The following SMARCA5 variants were observed in gnomAD, a reference collection of about 807,000 sequenced individuals.
SMARCA5 encodes SWI/SNF-related matrix-associated actin-dependent regulator of chromatin subfamily A member 5.
In SMARCA5, 18 loss-of-function variants were observed where a neutral mutation model predicts 140.4. The observed-to-expected ratio is 0.13, with a 90% confidence interval of 0.09 to 0.19. SMARCA5 has a LOEUF of 0.19. Among genes scored for constraint, SMARCA5 ranks in the 10% least tolerant of loss-of-function variants. The probability of loss-of-function intolerance (pLI) is 1.00; values close to 1 mark genes in which losing one functional copy is unlikely to be tolerated. For missense variants in SMARCA5, 606 were observed against 1,276.8 expected (o/e 0.47, Z 8.01); for synonymous variants, 449 against 419.6 (o/e 1.07, Z -0.86).
rs1317653396 is a variant in SMARCA5 at position 143,547,941 on chromosome 4, A to G, written c.2786A>G (p.Lys929Arg). The G allele has an allele frequency of 3.8e-6, 6 of 1,598,008 alleles. No individual in the cohort carries two copies. The highest frequency in any genetic ancestry group is 2.2e-5 in the East Asian group (1 of 44,780). Reference sequence around the variant, plus strand: ...TGACTTTCATAGATTGGACGGTACAAAGCACCTTTTCATCAGCTGAGAATA... The same window carrying G: ...TGACTTTCATAGATTGGACGGTACAGAGCACCTTTTCATCAGCTGAGAATA... ...KALDTKIGRYKAPFHQLRISY... is the reference protein window; with the variant it reads ...KALDTKIGRYRAPFHQLRISY... Residue 929 changes from lysine (K) to arginine (R), a missense_variant, in exon 22 of 24, where the codon AAA becomes AGA. By Grantham distance (26) the Lys-to-Arg change is conservative (BLOSUM62 2). Coordinates refer to ENST00000283131, the MANE Select transcript of SMARCA5 (RefSeq NM_003601.4).
In SMARCA5 at chr4:143,546,053, G is replaced by A; in HGVS notation, c.2520+6G>A. The A allele has an allele frequency of 6.3e-7, 1 of 1,585,380 alleles. No individual in the cohort carries two copies. Among genetic ancestry groups the A allele is most frequent in the South Asian group, 1.2e-5 (1 of 86,360 alleles). On this transcript the variant is annotated splice_donor_region_variant and intron_variant, in intron 19 of 23. Transcript: ENST00000283131. ...AAGAGAAGCTTCTAACACAGGTATA[G>A]CCTTTAATCAGTACAAACTTTAGTA...
At chr4:143,543,145 TTAA>T (rs564110550) in intron 14 of SMARCA5, among the ~76,000 whole-genome samples, 55 of 152,336 alleles carry the variant, frequency 3.6e-4, no homozygotes, top group African/African-American at 1.3e-3. Context: ...GGAGTATTAG[TTAA>T]TAACACCTTT....
At chr4:143,547,700 T>G (rs1443932966) in intron 21 of SMARCA5, among the ~76,000 whole-genome samples, 197 bp downstream of exon 21, 1 of 152,076 alleles carries the variant, frequency 6.6e-6, no homozygotes, top group Admixed American at 6.6e-5. Context: ...ACACTAAGAT[T>G]AGCTTTTTAC....
In SMARCA5 at chr4:143,530,193, A is replaced by G. The variant is rs185617301; in HGVS notation, c.1090-265A>G. Reference sequence around the variant, plus strand: ...ACAAGAATATTAATTTTCTAATCCTATAGAACTTGCTCTCCAACTTTTTAC... The same window carrying G: ...ACAAGAATATTAATTTTCTAATCCTGTAGAACTTGCTCTCCAACTTTTTAC... On this transcript the variant is annotated intron_variant, in intron 8 of 23. Coordinates refer to ENST00000283131, the MANE Select transcript of SMARCA5 (RefSeq NM_003601.4). 4.6e-3 allele frequency among the ~76,000 whole-genome samples: 699 copies of G among 152,306 alleles called. 9 individuals are homozygous for G. Among genetic ancestry groups the G allele is most frequent in the African/African-American group, 0.016 (662 of 41,576 alleles).
chr4:143,514,845 T>G (rs996789856), intron 1 of SMARCA5, among the ~76,000 whole-genome samples: 17 of 151,024 alleles, frequency 1.1e-4, no homozygotes, highest in African/African-American at 3.9e-4. Flanking sequence ...TCCGGCACTT[T>G]TCTCTTTTTG....
At chr4:143,525,365 T>G (rs1737047723) in intron 4 of SMARCA5, 86 bp from the exon 5 acceptor site, 1 of 813,474 alleles carries the variant, frequency 1.2e-6, no homozygotes, top group Admixed American at 1.9e-5. Flanking sequence ...GAAAATAAAG[T>G]CAGTAGATAT....
chr4:143,549,167 A>G (rs1737590089), intron 22 of SMARCA5, among the ~76,000 whole-genome samples: 1 of 152,004 alleles, frequency 6.6e-6, no homozygotes, highest in Non-Finnish European at 1.5e-5. Flanking sequence ...GTAATTTAAA[A>G]CTGTGTTACT....
In SMARCA5 at chr4:143,526,440, A is replaced by G; in HGVS notation, c.781A>G (p.Ile261Val). 6.2e-7 allele frequency: 1 copy of G among 1,607,168 alleles called. No homozygotes were observed. The highest frequency in any genetic ancestry group is 8.5e-7 in the Non-Finnish European group (1 of 1,176,886). Residue 261 changes from isoleucine (I) to valine (V), a missense_variant, in exon 6 of 24, where the codon ATA (isoleucine) becomes GTA (valine). Around this residue, in one of 10 missense-constraint regions of SMARCA5, gnomAD observed 110 missense variants for 287.7 expected, o/e 0.38. Coordinates refer to ENST00000283131, the MANE Select transcript of SMARCA5 (RefSeq NM_003601.4). ...WVPTLRSVCL[I>V]GDKEQRAAFV... ...ACCAACACTTAGATCTGTTTGTTTG[A>G]TAGGAGATAAAGAACAAAGAGTAAG...
At chr4:143,532,892 T>C (rs1737223630) in intron 9 of SMARCA5, among the ~76,000 whole-genome samples, 1 of 152,204 alleles carries the variant, frequency 6.6e-6, no homozygotes, top group African/African-American at 2.4e-5. Context: ...GCTAAAGGTC[T>C]TCACTTACAC....
At chr4:143,518,313 A>G (rs1736885486) in intron 2 of SMARCA5, among the ~76,000 whole-genome samples, 3 of 152,190 alleles carry the variant, frequency 2.0e-5, no homozygotes, top group African/African-American at 7.2e-5. Flanking sequence ...AGTAGTGGCT[A>G]ACAGTGAATG....
At chr4:143,526,491 A>G in intron 6 of SMARCA5, 31 bp downstream of exon 6, 1 of 1,481,626 alleles carries the variant, frequency 6.7e-7, no homozygotes, top group Non-Finnish European at 9.3e-7. Flanking sequence ...TACATTTTTG[A>G]GGCTAAAATA....
chr4:143,542,042 T>C (rs764575836), intron 14 of SMARCA5, among the ~76,000 whole-genome samples: 7 of 152,058 alleles, frequency 4.6e-5, no homozygotes, highest in Non-Finnish European at 1.0e-4. Flanking sequence ...GTATTTTTAG[T>C]AGAGACAGGG....
At chr4:143,517,589 G>T (rs1736866731) in intron 2 of SMARCA5, among the ~76,000 whole-genome samples, 160 bp downstream of exon 2, 1 of 152,178 alleles carries the variant, frequency 6.6e-6, no homozygotes, top group Non-Finnish European at 1.5e-5. Flanking sequence ...CTGGAGGCTG[G>T]CAAGTCCAAG....
At chr4:143,525,134 A>T (rs1435498604) in intron 4 of SMARCA5, among the ~76,000 whole-genome samples, 1 of 151,980 alleles carries the variant, frequency 6.6e-6, no homozygotes, top group Non-Finnish European at 1.5e-5. Context: ...TTGGTTAGGA[A>T]CACTTGGTTT....
intron 21 of SMARCA5, 112 bp from the exon 22 acceptor site, chr4:143,547,816 A>G (rs921224326): frequency 4.7e-6 from 3 of 638,554 alleles, no homozygotes; most frequent in Non-Finnish European, 7.9e-6. Context: ...TGCTCTAGAT[A>G]GAAAATTCTG....
In SMARCA5 at chr4:143,514,074, C is replaced by T. The variant is rs1211522716; in HGVS notation, c.150C>T (p.Ser50=). The T allele has an allele frequency of 2.6e-6, 4 of 1,556,468 alleles. No homozygotes were observed. Among genetic ancestry groups the T allele is most frequent in the East Asian group, 2.4e-5 (1 of 42,244 alleles). The part of the protein sequence containing the change: ...VAAQAVASAA[S]AGPADAEMEE... Reference sequence around the variant, plus strand: ...CGCAGGCGGTTGCGTCTGCGGCCAGCGCTGGTCCCGCAGACGCCGAGATGG... The same window carrying T: ...CGCAGGCGGTTGCGTCTGCGGCCAGTGCTGGTCCCGCAGACGCCGAGATGG... Residue 50 remains serine (S), a synonymous_variant, in exon 1 of 24, where the codon AGC becomes AGT. Transcript: ENST00000283131.
intron 21 of SMARCA5, 34 bp downstream of exon 21, chr4:143,547,537 A>G: frequency 1.9e-6 from 2 of 1,058,618 alleles, no homozygotes; most frequent in South Asian, 2.5e-5. Flanking sequence ...GGTAGTTAAT[A>G]AAATAACTCC....
chr4:143,551,696 A>T (rs929446567), intron 23 of SMARCA5, among the ~76,000 whole-genome samples: 6 of 152,086 alleles, frequency 3.9e-5, no homozygotes, highest in Admixed American at 3.3e-4. Context: ...GTCAAAAATG[A>T]GTTCCATGTA....
intron 17 of SMARCA5, 133 bp downstream of exon 17, chr4:143,544,980 C>T: frequency 1.9e-6 from 1 of 533,526 alleles, no homozygotes; most frequent in Non-Finnish European, 3.2e-6. Context: ...CAGAGTCTCA[C>T]TCTGTTACCA....
Sources: allele counts gnomAD v4.1 joint callset (sites outside exome capture counted in the v4.1 genomes callset), GRCh38; gene constraint gnomAD v4.1.1; regional missense constraint gnomAD v4.1.1; transcripts MANE v1.5; gene names NCBI Gene and HGNC (gene_info 2026-07-23, HGNC 2026-07-21).